FGF14: variants seen among roughly 807,000 people sequenced by gnomAD.
The protein encoded by FGF14 is fibroblast growth factor 14, also known as fibroblast growth factor homologous factor 4.
FGF14 carries 5 observed loss-of-function variants against 25.5 expected under a neutral mutation model. That is an observed-to-expected ratio of 0.20 (90% confidence interval 0.10 to 0.41). The LOEUF (loss-of-function observed/expected upper bound fraction) is 0.41. Ranked by LOEUF, FGF14 falls within the 10% of genes least tolerant of loss-of-function variation. FGF14 has a pLI of 1.00. For synonymous variants in FGF14, 138 were observed against 118.3 expected, an observed-to-expected ratio of 1.17 and a Z score of -1.08; for missense variants, 222 against 320.1, an observed-to-expected ratio of 0.69 and a Z score of 2.34.
chr13:101,817,916 T>C (rs1158616728), intron 3 of FGF14, among the ~76,000 whole-genome samples: 1 of 152,190 alleles, frequency 6.6e-6, no homozygotes, highest in Non-Finnish European at 1.5e-5. Flanking sequence ...TGTAAAAATA[T>C]TAGTTACCAC....
intron 1 of FGF14, among the ~76,000 whole-genome samples, chr13:102,299,374 C>T (rs1481914172): frequency 6.6e-6 from 1 of 152,082 alleles, no homozygotes; most frequent in Admixed American, 6.6e-5. Flanking sequence ...GAATATAAAG[C>T]AGTGCAAACA....
At chr13:101,741,449 T>C (rs2036550777) in intron 3 of FGF14, among the ~76,000 whole-genome samples, 1 of 152,166 alleles carries the variant, frequency 6.6e-6, no homozygotes, top group Non-Finnish European at 1.5e-5. Flanking sequence ...GAAACCATTA[T>C]ATTCCCAGTC....
intron 3 of FGF14, among the ~76,000 whole-genome samples, chr13:101,804,279 A>G (rs1479813188): frequency 6.6e-6 from 1 of 152,198 alleles, no homozygotes; most frequent in Non-Finnish European, 1.5e-5. Context: ...AGTGGGTCCC[A>G]GAGTAGATAG....
intron 3 of FGF14, among the ~76,000 whole-genome samples, chr13:101,843,805 G>A (rs1349594483): frequency 6.6e-6 from 1 of 151,934 alleles, no homozygotes; most frequent in Non-Finnish European, 1.5e-5. Flanking sequence ...ACAGGGAGGT[G>A]AGCATATTGA....
At chr13:102,224,055 C>T (rs116497324) in intron 1 of FGF14, among the ~76,000 whole-genome samples, 250 of 152,166 alleles carry the variant, frequency 1.6e-3, no homozygotes, top group African/African-American at 5.5e-3. Flanking sequence ...TCTTTTCATA[C>T]ATAAACACGT....
At chr13:101,817,392 G>A (rs1288610370) in intron 3 of FGF14, among the ~76,000 whole-genome samples, 4 of 151,828 alleles carry the variant, frequency 2.6e-5, no homozygotes, top group African/African-American at 9.7e-5. Flanking sequence ...TACAAAATTT[G>A]CTCTAAAATG....
intron 1 of FGF14, among the ~76,000 whole-genome samples, chr13:102,126,134 C>T (rs1456624975): frequency 1.3e-5 from 2 of 151,804 alleles, no homozygotes; most frequent in Admixed American, 1.3e-4. Context: ...ATATTCAGAA[C>T]ATTGTACAAC....
At position 101,751,139 on chromosome 13, in the gene FGF14, T is replaced by C. The variant is rs2037244857; in HGVS notation, c.409-24329A>G. Reference sequence around the variant, plus strand: ...AATGGTAGATACATGTCATTATACATTTGACAAAACCCATAGAATGTACAA... The same window carrying C: ...AATGGTAGATACATGTCATTATACACTTGACAAAACCCATAGAATGTACAA... On this transcript the variant is annotated intron_variant, in intron 3 of 4. Coordinates refer to ENST00000376143, the MANE Select transcript of FGF14 (RefSeq NM_004115.4). Among the ~76,000 whole-genome samples, 2 of 152,282 alleles carry C rather than the reference T, an allele frequency of 1.3e-5. 1 individual carries two copies. The highest frequency in any genetic ancestry group is 6.8e-3 in the Middle Eastern group (2 of 294).
chr13:102,274,645 T>G (rs1170994005), intron 1 of FGF14, among the ~76,000 whole-genome samples: 1 of 152,034 alleles, frequency 6.6e-6, no homozygotes, highest in African/African-American at 2.4e-5. Flanking sequence ...ATGCAGCTTG[T>G]TTAGAATGTT....
intron 1 of FGF14, among the ~76,000 whole-genome samples, chr13:102,247,494 A>G (rs2051938371): frequency 1.3e-5 from 2 of 152,292 alleles, no homozygotes; most frequent in South Asian, 4.1e-4. Context: ...AAAAACCCTC[A>G]ATATCACTGA....
intron 1 of FGF14, among the ~76,000 whole-genome samples, chr13:102,347,212 T>G (rs1028379723): frequency 2.6e-5 from 4 of 152,142 alleles, no homozygotes; most frequent in African/African-American, 9.7e-5. Flanking sequence ...AATATTGAGG[T>G]CCTTCTAGGT....
chr13:101,714,506 T>C lies in FGF14; in HGVS notation c.*8325A>G. ...GTATATTTCTGGGGAGTTCTGTGAC[T>C]GTGATGACAGAGACTGCGACAAACA... On this transcript the variant is annotated 3_prime_UTR_variant, in exon 5 of 5. Coordinates refer to ENST00000376143, the MANE Select transcript of FGF14 (RefSeq NM_004115.4). 2 of 1,612,294 alleles carry C rather than the reference T, an allele frequency of 1.2e-6. No individual in the cohort carries two copies. The highest frequency in any genetic ancestry group is 3.3e-4 in the Middle Eastern group (2 of 6,058).
chr13:102,326,394 G>T (rs1424144163), intron 1 of FGF14, among the ~76,000 whole-genome samples: 1 of 151,940 alleles, frequency 6.6e-6, no homozygotes, highest in East Asian at 1.9e-4. Context: ...CCCAAAAGAA[G>T]AATACTGACC....
chr13:101,885,395 G>T (rs2045937867), intron 1 of FGF14, among the ~76,000 whole-genome samples: 1 of 152,124 alleles, frequency 6.6e-6, no homozygotes, highest in African/African-American at 2.4e-5. Flanking sequence ...TTCAGAAACA[G>T]ATCCTCTTTC....
chr13:102,044,369 A>G (rs1478101499), intron 1 of FGF14, among the ~76,000 whole-genome samples: 1 of 152,170 alleles, frequency 6.6e-6, no homozygotes, highest in Non-Finnish European at 1.5e-5. Context: ...ATAAAAAAAA[A>G]AACTGCTTTT....
intron 1 of FGF14, among the ~76,000 whole-genome samples, chr13:101,969,572 C>T (rs960254432): frequency 6.6e-6 from 1 of 152,120 alleles, no homozygotes; most frequent in Non-Finnish European, 1.5e-5. Flanking sequence ...AATCAATAGC[C>T]TTGTGGTCTC....
chr13:101,765,203 C>A (rs1303493836), intron 3 of FGF14, among the ~76,000 whole-genome samples: 1 of 152,186 alleles, frequency 6.6e-6, no homozygotes, highest in African/African-American at 2.4e-5. Flanking sequence ...GCTCTTTCTC[C>A]TCCCTACTTT....
intron 2 of FGF14, 113 bp from the exon 3 acceptor site, chr13:101,868,941 T>C (rs1445102217): frequency 4.0e-6 from 3 of 750,434 alleles, no homozygotes; most frequent in East Asian, 5.4e-5. Flanking sequence ...CAATACTTTC[T>C]AGAAATTCCA....
intron 1 of FGF14, among the ~76,000 whole-genome samples, chr13:102,308,938 A>C (rs1289444451): frequency 6.7e-6 from 1 of 149,880 alleles, no homozygotes; most frequent in African/African-American, 2.5e-5. Context: ...AAAAAAACAC[A>C]AAAAAAACAG....
Sources: gnomAD v4.1 joint callset for allele counts (sites outside exome capture counted in the v4.1 genomes callset) on GRCh38, gnomAD v4.1.1 for gene constraint, MANE v1.5 for transcripts, NCBI Gene and HGNC (gene_info 2026-07-23, HGNC 2026-07-21) for gene names.